Variants in GPHN observed in about 807,000 individuals in gnomAD.
GPHN encodes gephyrin.
A neutral mutation model predicts 95.5 loss-of-function variants in GPHN; 17 were observed. That is an observed-to-expected ratio of 0.18 (90% CI 0.12 to 0.27). GPHN has a LOEUF of 0.27. Among genes scored for constraint, GPHN ranks in the 10% least tolerant of loss-of-function variants. The pLI is 1.00. For missense variants in GPHN, 660 were observed against 978.1 expected (o/e 0.67, Z 4.34); for synonymous variants, 320 against 322.5 (o/e 0.99, Z 0.08).
At chr14:66,628,312 A>G (rs2063598653) in intron 1 of GPHN, among the ~76,000 whole-genome samples, 1 of 152,126 alleles carries the variant, frequency 6.6e-6, no homozygotes, top group Admixed American at 6.5e-5. Flanking sequence ...TGCTTACACA[A>G]ACCTAGGTGG....
At chr14:67,212,964 A>G in the GPHN span, among the ~76,000 whole-genome samples, 4 of 151,782 alleles carry the variant, frequency 2.6e-5, no homozygotes, top group Non-Finnish European at 5.9e-5. Flanking sequence ...AGGTTTCTAT[A>G]TGAGTTGTTC....
At chr14:67,286,578 G>A in the GPHN span, among the ~76,000 whole-genome samples, 5 of 151,914 alleles carry the variant, frequency 3.3e-5, no homozygotes, top group South Asian at 2.1e-4. Flanking sequence ...GTTCTTAGCC[G>A]GGCGTGGTGG....
At chr14:67,337,509 T>G in the GPHN span, 1 of 149,014 alleles carries the variant, frequency 6.7e-6, no homozygotes, top group Non-Finnish European at 1.5e-5. Context: ...TGAGTGAGAC[T>G]CTGTTTCAAA....
intron 10 of GPHN, among the ~76,000 whole-genome samples, chr14:67,033,467 G>C (rs1051034629): frequency 2.0e-5 from 3 of 151,982 alleles, no homozygotes; most frequent in African/African-American, 7.2e-5. Flanking sequence ...AGGAGGCTGA[G>C]GCAAAAGAAT....
the GPHN span, among the ~76,000 whole-genome samples, chr14:67,446,331 T>C: frequency 6.6e-6 from 1 of 152,180 alleles, no homozygotes; most frequent in Non-Finnish European, 1.5e-5. Context: ...AGGAGATCAG[T>C]AAATAGCTGG....
chr14:67,649,750 G>C, the GPHN span: 1 of 152,162 alleles, frequency 6.6e-6, no homozygotes, highest in African/African-American at 2.4e-5. Flanking sequence ...ATGTACTATA[G>C]TGTAATATCA....
At chr14:66,718,900 G>A (rs1313881238) in intron 2 of GPHN, among the ~76,000 whole-genome samples, 1 of 152,098 alleles carries the variant, frequency 6.6e-6, no homozygotes, top group Non-Finnish European at 1.5e-5. Flanking sequence ...TGGGGGATGG[G>A]GGTGAGGTTC....
intron 1 of GPHN, among the ~76,000 whole-genome samples, chr14:66,659,684 T>C (rs2065525261): frequency 6.6e-6 from 1 of 152,200 alleles, no homozygotes. Flanking sequence ...CCTCTCTGTC[T>C]CTGGTAATTT....
At chr14:66,660,534 T>G (rs926495746) in intron 1 of GPHN, among the ~76,000 whole-genome samples, 1 of 152,156 alleles carries the variant, frequency 6.6e-6, no homozygotes, top group Admixed American at 6.5e-5. Context: ...CATCAAAGAA[T>G]GTCGTAATTT....
chr14:67,419,150 G>T, the GPHN span, among the ~76,000 whole-genome samples: 1 of 152,142 alleles, frequency 6.6e-6, no homozygotes, highest in African/African-American at 2.4e-5. Flanking sequence ...CTTCCATTCT[G>T]CTTTCCTCAC....
At chr14:67,144,245 A>AT (rs2080700027) in intron 18 of GPHN, among the ~76,000 whole-genome samples, 4 of 66,648 alleles carry the variant, frequency 6.0e-5, no homozygotes, top group Admixed American at 2.1e-4. Context: ...TTAAAAAAAA[A>AT]AAAAAATATA....
chr14:67,197,053 C>G, the GPHN span: 1 of 152,248 alleles, frequency 6.6e-6, no homozygotes, highest in Admixed American at 6.5e-5. Context: ...CTCAACCTCC[C>G]AAGTAGCTGG....
the GPHN span, among the ~76,000 whole-genome samples, chr14:67,406,231 C>A: frequency 1.3e-5 from 2 of 149,072 alleles, no homozygotes; most frequent in Admixed American, 6.7e-5. Context: ...TGCACTCCAG[C>A]CTCGGTGAAA....
At chr14:67,075,735 C>T (rs2076470819) in intron 11 of GPHN, among the ~76,000 whole-genome samples, 1 of 152,144 alleles carries the variant, frequency 6.6e-6, no homozygotes, top group East Asian at 1.9e-4. Flanking sequence ...ACTACGATGT[C>T]GTCAAAATAG....
intron 2 of GPHN, among the ~76,000 whole-genome samples, chr14:66,766,615 G>T (rs2058970682): frequency 6.6e-6 from 1 of 151,930 alleles, no homozygotes; most frequent in South Asian, 2.1e-4. Flanking sequence ...TGACATTTGT[G>T]CAATATTCCC....
At chr14:66,586,401 T>C (rs929968604) in intron 1 of GPHN, among the ~76,000 whole-genome samples, 1 of 152,006 alleles carries the variant, frequency 6.6e-6, no homozygotes, top group Non-Finnish European at 1.5e-5. Context: ...AAGGTTAGTA[T>C]TGTTATGTGT....
intron 3 of GPHN, among the ~76,000 whole-genome samples, chr14:66,822,643 G>A (rs989303696): frequency 6.6e-6 from 1 of 152,172 alleles, no homozygotes. Flanking sequence ...CAAAACAGGA[G>A]CATTCTTCAG....
the GPHN span, chr14:67,562,325 G>A: frequency 1.2e-6 from 2 of 1,614,006 alleles, no homozygotes; most frequent in South Asian, 2.2e-5. Context: ...TGTTTCTGAA[G>A]CAGCAAGCCC....
chr14:67,567,899 C>T, the GPHN span, among the ~76,000 whole-genome samples: 1 of 152,232 alleles, frequency 6.6e-6, no homozygotes. Context: ...GTGGAGCAAA[C>T]AGATCCAGAA....
Sources: gnomAD v4.1 joint callset for allele counts (sites outside exome capture counted in the v4.1 genomes callset) on GRCh38, gnomAD v4.1.1 for gene constraint, MANE v1.5 for transcripts, NCBI Gene and HGNC (gene_info 2026-07-23, HGNC 2026-07-21) for gene names.